Variants in TENM3 observed in about 807,000 individuals in gnomAD.
TENM3 encodes teneurin transmembrane protein 3, also known as teneurin-3.
A neutral mutation model predicts 255.1 loss-of-function variants in TENM3; 63 were observed. That is an observed-to-expected ratio of 0.25 (90% CI 0.20 to 0.30). The LOEUF is 0.30. Ranked by LOEUF, TENM3 falls within the 10% of genes least tolerant of loss-of-function variation. The pLI, the probability that TENM3 is intolerant of heterozygous loss-of-function variation, is 1.00. For synonymous variants in TENM3, 1,306 were observed against 1,322.3 expected, an observed-to-expected ratio of 0.99 and a Z score of 0.27; for missense variants, 2,929 against 3,461.1, an observed-to-expected ratio of 0.85 and a Z score of 3.86.
At chr4:181,916,123 C>T in the TENM3 span, among the ~76,000 whole-genome samples, 1 of 152,048 alleles carries the variant, frequency 6.6e-6, no homozygotes, top group Non-Finnish European at 1.5e-5. Context: ...TTCTGCTCCC[C>T]CTAAAAGACT....
chr4:182,584,862 G>A (rs533351720), intron 3 of TENM3, among the ~76,000 whole-genome samples: 2 of 151,958 alleles, frequency 1.3e-5, no homozygotes, highest in Non-Finnish European at 2.9e-5. Flanking sequence ...GGCCGGTCTC[G>A]ATCTCCTGAC....
chr4:181,753,107 TA>T, the TENM3 span, among the ~76,000 whole-genome samples: 747 of 151,770 alleles, frequency 4.9e-3, 2 homozygotes, highest in Non-Finnish European at 8.7e-3. Context: ...TTTGGAAGTG[TA>T]AAAAAAATCG....
the TENM3 span, among the ~76,000 whole-genome samples, chr4:181,855,258 C>T: frequency 3.9e-5 from 6 of 152,174 alleles, no homozygotes; most frequent in Non-Finnish European, 5.9e-5. Flanking sequence ...AGTAACATTA[C>T]TCCTTAATTT....
intron 3 of TENM3, among the ~76,000 whole-genome samples, chr4:182,419,352 T>C (rs1770628786): frequency 1.3e-5 from 2 of 152,074 alleles, no homozygotes; most frequent in Admixed American, 1.3e-4. Context: ...ATGGCAATCA[T>C]TAAAAAGTCA....
chr4:182,377,465 C>G (rs1013943828), intron 3 of TENM3, among the ~76,000 whole-genome samples: 5 of 152,056 alleles, frequency 3.3e-5, no homozygotes, highest in Non-Finnish European at 7.3e-5. Context: ...AGGCATCCAC[C>G]ACTAGGCCAG....
intron 3 of TENM3, among the ~76,000 whole-genome samples, chr4:182,388,954 G>T (rs1768210511): frequency 1.3e-5 from 2 of 152,220 alleles, no homozygotes; most frequent in South Asian, 4.1e-4. Context: ...CCTTTGCACT[G>T]CCAGCTTCTA....
chr4:181,530,828 T>C, the TENM3 span, among the ~76,000 whole-genome samples: 1 of 152,210 alleles, frequency 6.6e-6, no homozygotes, highest in Non-Finnish European at 1.5e-5. Context: ...TGTATGTACG[T>C]GGGTCATGTG....
At chr4:181,914,707 G>A in the TENM3 span, among the ~76,000 whole-genome samples, 1 of 152,142 alleles carries the variant, frequency 6.6e-6, no homozygotes, top group Non-Finnish European at 1.5e-5. Context: ...GCTGAGAGAG[G>A]GAAAGGAGGA....
chr4:182,321,607 C>G (rs913331017), intron 1 of TENM3, among the ~76,000 whole-genome samples: 2 of 151,760 alleles, frequency 1.3e-5, no homozygotes, highest in Non-Finnish European at 2.9e-5. Flanking sequence ...GACTGGGCAA[C>G]AGAGCAAGAC....
the TENM3 span, among the ~76,000 whole-genome samples, chr4:181,637,015 C>T: frequency 6.6e-6 from 1 of 152,088 alleles, no homozygotes; most frequent in Non-Finnish European, 1.5e-5. Context: ...ACTGCACATT[C>T]GGTTTCCTCT....
At chr4:181,833,354 C>T in the TENM3 span, among the ~76,000 whole-genome samples, 2 of 152,116 alleles carry the variant, frequency 1.3e-5, no homozygotes, top group African/African-American at 2.4e-5. Flanking sequence ...CTCAGGCTAC[C>T]ACTTACTGTC....
At chr4:181,651,786 C>T in the TENM3 span, among the ~76,000 whole-genome samples, 4 of 152,062 alleles carry the variant, frequency 2.6e-5, no homozygotes, top group Non-Finnish European at 5.9e-5. Flanking sequence ...TGGGCCTGTT[C>T]TTCAATACCA....
At chr4:181,522,132 A>G in the TENM3 span, among the ~76,000 whole-genome samples, 2 of 143,022 alleles carry the variant, frequency 1.4e-5, no homozygotes, top group Admixed American at 1.4e-4. Context: ...AAAAAAAAAG[A>G]AGAAGCTAAT....
At chr4:182,111,026 T>C in the TENM3 span, among the ~76,000 whole-genome samples, 1 of 152,142 alleles carries the variant, frequency 6.6e-6, no homozygotes, top group Non-Finnish European at 1.5e-5. Context: ...TAAGTTTTTG[T>C]AGGTATTCTC....
At chr4:182,118,408 T>C in the TENM3 span, among the ~76,000 whole-genome samples, 2 of 152,154 alleles carry the variant, frequency 1.3e-5, no homozygotes, top group Non-Finnish European at 2.9e-5. Flanking sequence ...AGTATAATGT[T>C]AGCTGTAGGG....
At chr4:182,239,193 T>C (rs1270422950), upstream of TENM3, among the ~76,000 whole-genome samples, 5 of 151,806 alleles carry the variant, frequency 3.3e-5, no homozygotes, top group African/African-American at 1.2e-4. Flanking sequence ...TCTCCTGTCT[T>C]AGCCTCCCGA....
chr4:182,059,713 A>G, the TENM3 span, among the ~76,000 whole-genome samples: 1 of 143,318 alleles, frequency 7.0e-6, no homozygotes, highest in African/African-American at 2.6e-5. Context: ...GTTCAAGACC[A>G]GCCTAGGCAA....
chr4:182,528,299 G>T (rs971480317), intron 3 of TENM3, among the ~76,000 whole-genome samples: 2 of 151,946 alleles, frequency 1.3e-5, no homozygotes, highest in African/African-American at 4.8e-5. Flanking sequence ...TGTATTTTTA[G>T]TAGAGACAGG....
At chr4:182,771,620 C>A (rs1764228830) in intron 22 of TENM3, among the ~76,000 whole-genome samples, 1 of 152,148 alleles carries the variant, frequency 6.6e-6, no homozygotes, top group South Asian at 2.1e-4. Context: ...TAATCTGCTG[C>A]AAGACTTATG....
Sources: gnomAD v4.1 joint callset for allele counts (sites outside exome capture counted in the v4.1 genomes callset) on GRCh38, gnomAD v4.1.1 for gene constraint, MANE v1.5 for transcripts, NCBI Gene and HGNC (gene_info 2026-07-23, HGNC 2026-07-21) for gene names.